RCL1: variants seen among roughly 807,000 people sequenced by gnomAD.
RCL1 encodes RNA terminal phosphate cyclase like 1, also known as RNA 3'-terminal phosphate cyclase-like protein.
In RCL1, 24 loss-of-function variants were observed where a neutral mutation model predicts 42.4. The ratio of observed to expected loss-of-function variants is 0.57; its 90% CI spans 0.41 to 0.80. The LOEUF (loss-of-function observed/expected upper bound fraction) is 0.80. Among genes scored for constraint, RCL1 ranks in the 30% least tolerant of loss-of-function variants. The probability of loss-of-function intolerance (pLI) is 0.00; values close to 1 mark genes in which losing one functional copy is unlikely to be tolerated. For missense variants in RCL1, 578 were observed against 467.9 expected, an observed-to-expected ratio of 1.24 and a Z score of -2.17; for synonymous variants, 228 against 177.3, an observed-to-expected ratio of 1.29 and a Z score of -2.27.
At position 4,860,295 on chromosome 9, in the gene RCL1, C is replaced by T. The variant is rs767879446; in HGVS notation, c.*20C>T. 6.2e-7 allele frequency: 1 copy of T among 1,610,458 alleles called. No individual in the cohort carries two copies. The highest frequency in any genetic ancestry group is 1.7e-5 in the Admixed American group (1 of 59,244). On this transcript the variant is annotated 3_prime_UTR_variant, in exon 9 of 9. Transcript: ENST00000381750. ...AAGTGATAACCATCACAAGATAAGG[C>T]CCCAATGCCTACAGACAAAGCAGAA...
chr9:4,816,106 T>A (rs955245588), intron 1 of RCL1, among the ~76,000 whole-genome samples: 2 of 152,228 alleles, frequency 1.3e-5, no homozygotes, highest in African/African-American at 4.8e-5. Flanking sequence ...TAGCTGGCCA[T>A]CTTGATCTGA....
chr9:4,824,374 ATTTTTTTTTT>A (rs71326141), intron 2 of RCL1, among the ~76,000 whole-genome samples: 82 of 120,296 alleles, frequency 6.8e-4, no homozygotes, highest in African/African-American at 2.5e-3. Flanking sequence ...TTCAGCCAGC[ATTTTTTTTTT>A]TTTTTTTTTT....
chr9:4,828,473 G>C (rs1490797147), intron 3 of RCL1, among the ~76,000 whole-genome samples: 1 of 150,956 alleles, frequency 6.6e-6, no homozygotes, highest in East Asian at 1.9e-4. Context: ...GGGATACTGA[G>C]TATAGTACAA....
At chr9:4,813,951 C>T (rs1428350142) in intron 1 of RCL1, among the ~76,000 whole-genome samples, 5 of 152,116 alleles carry the variant, frequency 3.3e-5, no homozygotes, top group Non-Finnish European at 7.3e-5. Flanking sequence ...GAAAACCAAA[C>T]ACTGCATGTT....
At chr9:4,848,028 C>T (rs896720597) in intron 7 of RCL1, among the ~76,000 whole-genome samples, 2 of 152,160 alleles carry the variant, frequency 1.3e-5, no homozygotes, top group Non-Finnish European at 2.9e-5. Flanking sequence ...GTACAGGGAC[C>T]TTAGCTATCT....
At chr9:4,825,061 G>A (rs965195277) in intron 2 of RCL1, among the ~76,000 whole-genome samples, 3 of 151,784 alleles carry the variant, frequency 2.0e-5, no homozygotes, top group Admixed American at 6.6e-5. Context: ...ACAGTTGCCT[G>A]CTGCCATACC....
chr9:4,840,108 T>A (rs927624911), intron 5 of RCL1, among the ~76,000 whole-genome samples: 14 of 151,674 alleles, frequency 9.2e-5, no homozygotes, highest in Non-Finnish European at 1.8e-4. Context: ...AAGATTGGTC[T>A]TTTAGTATGA....
intron 8 of RCL1, among the ~76,000 whole-genome samples, chr9:4,857,577 G>A (rs1009862636): frequency 6.6e-5 from 10 of 152,044 alleles, no homozygotes; most frequent in African/African-American, 2.2e-4. Context: ...GAATATTTGC[G>A]TGCAAGTTTT....
At chr9:4,795,569 G>A (rs1034148518) in intron 1 of RCL1, among the ~76,000 whole-genome samples, 2 of 152,192 alleles carry the variant, frequency 1.3e-5, no homozygotes, top group Non-Finnish European at 2.9e-5. Context: ...CTTGATTGAA[G>A]ATGTAGCCGG....
intron 8 of RCL1, among the ~76,000 whole-genome samples, chr9:4,853,023 T>C (rs1261058127): frequency 6.6e-6 from 1 of 152,192 alleles, no homozygotes; most frequent in Non-Finnish European, 1.5e-5. Context: ...GTCACATTAC[T>C]GAGCAAACTA....
rs1188959909 is a variant in RCL1, at chr9:4,826,984, C to T, written c.335C>T (p.Pro112Leu). ...LLCLAPFMKHPLKIVLRGVTN... is the reference protein window; with the variant it reads ...LLCLAPFMKHLLKIVLRGVTN... The stretch of plus-strand genomic sequence containing the variant: ...TGCTTGGCTCCATTTATGAAGCACC[C>T]GTTAAAAATAGTTCTACGAGGAGTG... Residue 112 changes from proline (P) to leucine (L), a missense_variant, in exon 3 of 9, where the codon CCG becomes CTG. Transcript: ENST00000381750. 2 of 1,614,084 alleles carry T rather than the reference C, an allele frequency of 1.2e-6. No individual in the cohort carries two copies. The highest frequency in any genetic ancestry group is 1.7e-6 in the Non-Finnish European group (2 of 1,180,032).
intron 3 of RCL1, 85 bp downstream of exon 3, chr9:4,827,118 GCA>G: frequency 6.3e-7 from 1 of 1,587,242 alleles, no homozygotes; most frequent in East Asian, 2.3e-5. Flanking sequence ...TCCTTATAAG[GCA>G]CAGTTTTATT....
chr9:4,855,615 G>A (rs1256554706), intron 8 of RCL1, among the ~76,000 whole-genome samples: 1 of 152,120 alleles, frequency 6.6e-6, no homozygotes, highest in East Asian at 1.9e-4. Context: ...GAGGCTGTTT[G>A]CTGGGATTTA....
chr9:4,794,248 C>T (rs906019669), intron 1 of RCL1, among the ~76,000 whole-genome samples: 1 of 152,150 alleles, frequency 6.6e-6, no homozygotes, highest in Non-Finnish European at 1.5e-5. Flanking sequence ...ATCTCTGCCT[C>T]TCTTGGGTGG....
At chr9:4,851,356 G>A (rs1247669556) in intron 8 of RCL1, among the ~76,000 whole-genome samples, 1 of 152,184 alleles carries the variant, frequency 6.6e-6, no homozygotes, top group Non-Finnish European at 1.5e-5. Context: ...TGCCAGGGTG[G>A]GAAAGGGAAG....
At chr9:4,815,774 G>A (rs893284288) in intron 1 of RCL1, among the ~76,000 whole-genome samples, 2 of 152,172 alleles carry the variant, frequency 1.3e-5, no homozygotes, top group African/African-American at 2.4e-5. Context: ...GCACAGCTAC[G>A]TATGTATACT....
intron 1 of RCL1, among the ~76,000 whole-genome samples, chr9:4,798,164 C>A (rs981255026): frequency 3.9e-5 from 6 of 152,146 alleles, no homozygotes; most frequent in African/African-American, 4.8e-5. Context: ...CATTTCACAG[C>A]GTGATGGACC....
intron 8 of RCL1, among the ~76,000 whole-genome samples, chr9:4,852,862 A>T (rs1378068912): frequency 3.3e-5 from 5 of 151,794 alleles, no homozygotes. Flanking sequence ...GAACCCCAGG[A>T]GGCCTAGTAA....
chr9:4,818,088 T>G (rs1364282776), intron 1 of RCL1, among the ~76,000 whole-genome samples: 1 of 151,924 alleles, frequency 6.6e-6, no homozygotes, highest in Non-Finnish European at 1.5e-5. Flanking sequence ...GCCCAGCTCA[T>G]TTTTGTATTT....
Sources: gnomAD v4.1 joint callset for allele counts (sites outside exome capture counted in the v4.1 genomes callset) on GRCh38, gnomAD v4.1.1 for gene constraint, MANE v1.5 for transcripts, NCBI Gene and HGNC (gene_info 2026-07-23, HGNC 2026-07-21) for gene names.